NUMB: variants seen among roughly 807,000 people sequenced by gnomAD.
NUMB encodes protein numb homolog.
NUMB carries 29 observed loss-of-function variants against 59.7 expected under a neutral mutation model. The ratio of observed to expected loss-of-function variants is 0.49; its 90% CI spans 0.36 to 0.66. The LOEUF is 0.66. Among genes scored for constraint, NUMB ranks in the 30% least tolerant of loss-of-function variants. The probability of loss-of-function intolerance (pLI) is 0.00; values close to 1 mark genes in which losing one functional copy is unlikely to be tolerated. For synonymous variants in NUMB, 288 were observed against 288.2 expected, an observed-to-expected ratio of 1.00 and a Z score of 0.01; for missense variants, 723 against 822.0, an observed-to-expected ratio of 0.88 and a Z score of 1.47.
intron 4 of NUMB, among the ~76,000 whole-genome samples, chr14:73,342,466 T>C (rs1892687021): frequency 6.6e-6 from 1 of 152,214 alleles, no homozygotes; most frequent in Admixed American, 6.5e-5. Context: ...AATAAAATTA[T>C]AAGCACTGGA....
chr14:73,453,488 AATG>A (rs1477456446), intron 1 of NUMB, among the ~76,000 whole-genome samples: 4 of 152,192 alleles, frequency 2.6e-5, no homozygotes, highest in African/African-American at 9.7e-5. Context: ...CCTAGTATTT[AATG>A]ATATCTTATT....
intron 10 of NUMB, among the ~76,000 whole-genome samples, chr14:73,283,008 C>A (rs538775490): frequency 1.3e-5 from 2 of 152,266 alleles, no homozygotes; most frequent in African/African-American, 2.4e-5. Flanking sequence ...TCATCAATCT[C>A]ATTTTTCTCC....
intron 2 of NUMB, among the ~76,000 whole-genome samples, chr14:73,395,030 CGTGTGTTTGTGT>C (rs60813724): frequency 0.04 from 2,335 of 58,282 alleles, 55 homozygotes; most frequent in Middle Eastern, 0.12. Context: ...GAATAGTATT[CGTGTGTTTGTGT>C]GTGTGTGTGT....
At chr14:73,386,413 C>A (rs1167310685) in intron 2 of NUMB, among the ~76,000 whole-genome samples, 2 of 152,168 alleles carry the variant, frequency 1.3e-5, no homozygotes, top group Non-Finnish European at 2.9e-5. Flanking sequence ...CACCCATACA[C>A]CACCAGAGAA....
chr14:73,353,581 TCAG>T (rs764065742), intron 4 of NUMB, among the ~76,000 whole-genome samples: 256 of 12,154 alleles, frequency 0.021, no homozygotes, highest in African/African-American at 0.049. Flanking sequence ...GCATGGTGGC[TCAG>T]GCCTGTAATC....
intron 1 of NUMB, among the ~76,000 whole-genome samples, chr14:73,434,413 TAG>T (rs1897963042): frequency 6.6e-6 from 1 of 152,260 alleles, no homozygotes. Flanking sequence ...TCTTGGAATG[TAG>T]CATTGGCTGC....
rs760021162 is a variant in NUMB, at chr14:73,276,846, G to C, written c.1688C>G (p.Pro563Arg). The change falls in exon 13 of 13, where the codon CCT becomes CGT. Residue 563 changes from proline (P) to arginine (R), a missense_variant. Transcript: ENST00000555238. ...SPSLVRQQTF[P>R]HYEASSATTS... ...GGTAGCACTGCTTGCCTCGTAGTGA[G>C]GGAATGTCTGCTGCCTGACCAGGCT... The C allele has an allele frequency of 3.1e-6, 5 of 1,614,134 alleles. No homozygotes were observed. The highest frequency in any genetic ancestry group is 4.2e-6 in the Non-Finnish European group (5 of 1,180,010).
At chr14:73,352,481 T>C (rs1417456932) in intron 4 of NUMB, among the ~76,000 whole-genome samples, 809 of 4,132 alleles carry the variant, frequency 0.2, 42 homozygotes, top group Non-Finnish European at 0.21. Context: ...CACACACATA[T>C]ATATATATAT....
intron 2 of NUMB, among the ~76,000 whole-genome samples, chr14:73,369,417 A>C (rs1001935734): frequency 6.6e-6 from 1 of 152,228 alleles, no homozygotes; most frequent in Non-Finnish European, 1.5e-5. Context: ...CACTGTACTT[A>C]GAATTTTTCA....
At chr14:73,454,140 C>T (rs1884188789) in intron 1 of NUMB, among the ~76,000 whole-genome samples, 1 of 151,866 alleles carries the variant, frequency 6.6e-6, no homozygotes, top group Non-Finnish European at 1.5e-5. Flanking sequence ...ATACCTCAAA[C>T]CTCAGCATCA....
intron 1 of NUMB, among the ~76,000 whole-genome samples, chr14:73,419,226 G>C (rs1217104237): frequency 6.6e-6 from 1 of 152,094 alleles, no homozygotes; most frequent in Non-Finnish European, 1.5e-5. Context: ...AAAATCTCAA[G>C]AGGGCTGGGC....
chr14:73,399,957 T>G (rs1896331975), intron 2 of NUMB, among the ~76,000 whole-genome samples: 1 of 151,936 alleles, frequency 6.6e-6, no homozygotes, highest in Non-Finnish European at 1.5e-5. Flanking sequence ...GAGAATCGTT[T>G]GAACGCAGGA....
Position 73,355,650 on chromosome 14 carries a change from G to A in NUMB, c.102C>T (p.Thr34=), listed in dbSNP as rs116330699. 3.7e-5 allele frequency: 60 copies of A among 1,613,084 alleles called. No individual in the cohort carries two copies. Among genetic ancestry groups the A allele is most frequent in the East Asian group, 4.5e-5 (2 of 44,824 alleles). The part of the protein sequence containing the change: ...QWQTDEEGVR[T]GKCSFPVKYL... ...CCTTAACCGGGAAGCTACATTTTCC[G>A]GTGCGAACGCCTTCTTCATCTGTCT... Residue 34 remains threonine, a synonymous_variant, in exon 4 of 13, where the codon ACC becomes ACT. Transcript: ENST00000555238.
At chr14:73,377,489 A>G (rs1182280820) in intron 2 of NUMB, among the ~76,000 whole-genome samples, 1 of 151,940 alleles carries the variant, frequency 6.6e-6, no homozygotes, top group East Asian at 1.9e-4. Flanking sequence ...AAAATACAAA[A>G]ATTAGCTGGG....
At chr14:73,400,582 G>A (rs1014722496) in intron 2 of NUMB, among the ~76,000 whole-genome samples, 1 of 152,176 alleles carries the variant, frequency 6.6e-6, no homozygotes, top group African/African-American at 2.4e-5. Context: ...ACAGTGGCTG[G>A]ACATCTCTAG....
At chr14:73,381,940 G>A (rs1470331384) in intron 2 of NUMB, among the ~76,000 whole-genome samples, 2 of 152,148 alleles carry the variant, frequency 1.3e-5, no homozygotes, top group African/African-American at 4.8e-5. Flanking sequence ...CTTTGTTTCT[G>A]CTGGGGCAAC....
At chr14:73,297,468 A>G in intron 6 of NUMB, 183 bp from the exon 7 acceptor site, 1 of 476,394 alleles carries the variant, frequency 2.1e-6, no homozygotes, top group Non-Finnish European at 3.7e-6. Flanking sequence ...TCAGGAAAAA[A>G]CAAGCCAAAG....
chr14:73,439,808 C>T (rs1882888789), intron 1 of NUMB, among the ~76,000 whole-genome samples: 1 of 152,082 alleles, frequency 6.6e-6, no homozygotes, highest in Admixed American at 6.6e-5. Context: ...ATCTTTTCTT[C>T]CTTTAAGTCA....
intron 1 of NUMB, among the ~76,000 whole-genome samples, chr14:73,414,750 C>T (rs904118172): frequency 1.3e-5 from 2 of 152,138 alleles, no homozygotes; most frequent in African/African-American, 2.4e-5. Flanking sequence ...GACTGAGTCT[C>T]GCTCTGTTGC....
Sources: gnomAD v4.1 joint callset for allele counts (sites outside exome capture counted in the v4.1 genomes callset) on GRCh38, gnomAD v4.1.1 for gene constraint, MANE v1.5 for transcripts, NCBI Gene and HGNC (gene_info 2026-07-23, HGNC 2026-07-21) for gene names.